Variants in ULK4 observed in about 807,000 individuals in gnomAD.
ULK4 encodes the protein inactive serine/threonine-protein kinase ULK4.
Under a neutral mutation model 160.6 loss-of-function variants are expected in ULK4, and 133 were observed. That is an observed-to-expected ratio of 0.83 (90% CI 0.72 to 0.96). ULK4 has a LOEUF of 0.96. ULK4 is among the 40% of genes least tolerant of loss of function. The pLI is 0.00. For missense variants in ULK4, 1,580 were observed against 1,499.5 expected (o/e 1.05, Z -0.89); for synonymous variants, 534 against 539.8 (o/e 0.99, Z 0.15).
At chr3:41,914,647 T>G (rs551254025) in intron 8 of ULK4, 1 of 152,182 alleles carries the variant, frequency 6.6e-6, no homozygotes, top group Non-Finnish European at 1.5e-5. Flanking sequence ...ACAACACATA[T>G]AATATTCCAA....
intron 34 of ULK4, among the ~76,000 whole-genome samples, chr3:41,399,943 T>C (rs1269200069): frequency 6.6e-6 from 1 of 152,196 alleles, no homozygotes; most frequent in Non-Finnish European, 1.5e-5. Context: ...TAGCTTTAGC[T>C]TTTTACTTTG....
intron 34 of ULK4, among the ~76,000 whole-genome samples, chr3:41,443,115 C>G (rs1011153697): frequency 9.9e-5 from 15 of 152,092 alleles, no homozygotes; most frequent in South Asian, 8.3e-4. Context: ...CATCTTTATC[C>G]TTTTCATCAA....
intron 32 of ULK4, among the ~76,000 whole-genome samples, chr3:41,488,993 C>T (rs1293407817): frequency 6.6e-6 from 1 of 152,094 alleles, no homozygotes; most frequent in African/African-American, 2.4e-5. Flanking sequence ...GGTGAGCACC[C>T]CTCCCACTGA....
intron 22 of ULK4, among the ~76,000 whole-genome samples, chr3:41,722,359 T>G (rs1248684347): frequency 6.6e-6 from 1 of 151,956 alleles, no homozygotes; most frequent in Non-Finnish European, 1.5e-5. Flanking sequence ...CCGGGCGCAG[T>G]GGCTCACACC....
At chr3:41,793,521 G>A (rs2040210543) in intron 20 of ULK4, among the ~76,000 whole-genome samples, 1 of 152,156 alleles carries the variant, frequency 6.6e-6, no homozygotes, top group Non-Finnish European at 1.5e-5. Flanking sequence ...ACCCCTGAGA[G>A]ATCTTAAGAT....
At chr3:41,827,290 G>C (rs4973988) in intron 18 of ULK4, among the ~76,000 whole-genome samples, 150,489 of 150,826 alleles carry the variant, frequency 1, 75,077 homozygotes, top group Middle Eastern at 1. Flanking sequence ...GCTAGCAGAA[G>C]GCAAGAAATA....
intron 35 of ULK4, among the ~76,000 whole-genome samples, chr3:41,384,972 T>G (rs935760140): frequency 6.6e-6 from 1 of 152,046 alleles, no homozygotes; most frequent in Non-Finnish European, 1.5e-5. Flanking sequence ...AGATAATCAA[T>G]TGAATCCCTG....
At chr3:41,843,464 G>A (rs183385600) in intron 17 of ULK4, among the ~76,000 whole-genome samples, 420 of 152,200 alleles carry the variant, frequency 2.8e-3, no homozygotes, top group African/African-American at 8.8e-3. Context: ...TCTGATGTTC[G>A]GATGTATTTG....
chr3:41,718,839 G>T (rs11923562), intron 22 of ULK4, among the ~76,000 whole-genome samples: 38,482 of 152,038 alleles, frequency 0.25, 6,352 homozygotes, highest in African/African-American at 0.47. Context: ...TCTCTCAATA[G>T]ACTTATGCAT....
chr3:41,297,990 G>A (rs2079704533), intron 35 of ULK4, among the ~76,000 whole-genome samples: 1 of 152,178 alleles, frequency 6.6e-6, no homozygotes, highest in Non-Finnish European at 1.5e-5. Flanking sequence ...CAACTGACCA[G>A]GCAGCACTTT....
chr3:41,263,432 A>C (rs979694138), intron 35 of ULK4, among the ~76,000 whole-genome samples: 9 of 152,124 alleles, frequency 5.9e-5, no homozygotes, highest in Non-Finnish European at 1.0e-4. Context: ...GGAGGGAAGC[A>C]AAGTAGAGCC....
chr3:41,399,913 G>A (rs138153729), intron 34 of ULK4, among the ~76,000 whole-genome samples: 200 of 152,240 alleles, frequency 1.3e-3, no homozygotes, highest in African/African-American at 4.2e-3. Flanking sequence ...TCACGCCCAT[G>A]TTTTCTTCTA....
chr3:41,332,870 A>G lies in ULK4; in HGVS notation c.3678+65209T>C, dbSNP rs2080475861. Among the ~76,000 whole-genome samples the G allele has an allele frequency of 2.6e-5, 4 of 152,202 alleles. 1 individual carries two copies. The South Asian group carries it at 8.3e-4, about 32-fold the overall frequency. On this transcript the variant is annotated intron_variant, in intron 35 of 36. Transcript: ENST00000301831. ...CCATCTTTATGTTCAGGAGTACCCA[A>G]TGTTTTGTTCCCACTTACAAGTGAG... is the stretch of plus-strand genomic sequence containing the variant.
chr3:41,410,431 A>T (rs1388449195), intron 34 of ULK4, among the ~76,000 whole-genome samples: 10 of 152,204 alleles, frequency 6.6e-5, no homozygotes, highest in African/African-American at 1.9e-4. Context: ...ATCAAATTAT[A>T]TATTTCCATA....
intron 17 of ULK4, among the ~76,000 whole-genome samples, chr3:41,869,544 C>A (rs1210664060): frequency 6.6e-6 from 1 of 152,176 alleles, no homozygotes; most frequent in African/African-American, 2.4e-5. Context: ...TATGCCACTG[C>A]ACTCCAGCCT....
intron 34 of ULK4, among the ~76,000 whole-genome samples, chr3:41,453,170 T>C (rs548732057): frequency 5.9e-5 from 9 of 152,282 alleles, no homozygotes; most frequent in African/African-American, 1.9e-4. Flanking sequence ...TGCGTTTTTT[T>C]GTTTTTTGTT....
At chr3:41,902,732 A>C (rs558488639) in intron 12 of ULK4, among the ~76,000 whole-genome samples, 1 of 151,964 alleles carries the variant, frequency 6.6e-6, no homozygotes, top group South Asian at 2.1e-4. Flanking sequence ...TCACATTGCC[A>C]AAAAAAAGAT....
chr3:41,674,630 T>G (rs962216076), intron 29 of ULK4, among the ~76,000 whole-genome samples: 1 of 152,170 alleles, frequency 6.6e-6, no homozygotes, highest in African/African-American at 2.4e-5. Context: ...AGGTCAAGAT[T>G]TGAATCCAAA....
At chr3:41,487,140 A>G (rs1374977333) in intron 32 of ULK4, among the ~76,000 whole-genome samples, 1 of 151,978 alleles carries the variant, frequency 6.6e-6, no homozygotes, top group Non-Finnish European at 1.5e-5. Flanking sequence ...ATTTCTTAGG[A>G]ATCAATTTGA....
Sources: allele counts gnomAD v4.1 joint callset (sites outside exome capture counted in the v4.1 genomes callset), GRCh38; gene constraint gnomAD v4.1.1; transcripts MANE v1.5; gene names NCBI Gene and HGNC (gene_info 2026-07-23, HGNC 2026-07-21).